The following PFDN1 variants were observed in gnomAD, a reference collection of about 807,000 sequenced individuals.
PFDN1 encodes prefoldin subunit 1, also known as prefoldin 1.
Under a neutral mutation model 17.3 loss-of-function variants are expected in PFDN1, and 6 were observed. That is an observed-to-expected ratio of 0.35 (90% CI 0.19 to 0.69). The LOEUF (loss-of-function observed/expected upper bound fraction) is 0.69, where lower values mean the gene tolerates loss of function less well. Among genes scored for constraint, PFDN1 ranks in the 30% least tolerant of loss-of-function variants. The pLI, the probability that PFDN1 is intolerant of heterozygous loss-of-function variation, is 0.65. For missense variants in PFDN1, 113 were observed against 146.2 expected (o/e 0.77, Z 1.17); for synonymous variants, 58 against 50.1 (o/e 1.16, Z -0.67).
At chr5:140,268,912 A>G (rs1029732114) in intron 3 of PFDN1, among the ~76,000 whole-genome samples, 1 of 152,228 alleles carries the variant, frequency 6.6e-6, no homozygotes, top group African/African-American at 2.4e-5. Flanking sequence ...AATGACTGCA[A>G]AGATATCAAA....
intron 3 of PFDN1, chr5:140,262,540 C>T (rs183663904): frequency 8.8e-6 from 4 of 456,124 alleles, no homozygotes; most frequent in Admixed American, 4.7e-5. Flanking sequence ...TGCTGGCACT[C>T]GACTGTTGAG....
At chr5:140,288,657 CAATTTTTCCG>C (rs1242897403) in intron 2 of PFDN1, among the ~76,000 whole-genome samples, 1 of 152,130 alleles carries the variant, frequency 6.6e-6, no homozygotes, top group Non-Finnish European at 1.5e-5. Context: ...TCTTTCTGCT[CAATTTTTCCG>C]TACTACTAAA....
chr5:140,284,538 T>C lies in PFDN1; in HGVS notation c.201-3005A>G, dbSNP rs1472242706. Among the ~76,000 whole-genome samples, 4 of 152,360 alleles carry C rather than the reference T, an allele frequency of 2.6e-5. No individual in the cohort carries two copies. The East Asian group carries it at 7.7e-4, about 29-fold the overall frequency. On this transcript the variant is annotated intron_variant, in intron 2 of 3. Transcript: ENST00000261813. ...GAAGAGAAAGGATTTATCATGATAA[T>C]ATAAGTCTTATCATAAGCAAATATT... is the stretch of plus-strand genomic sequence containing the variant.
At chr5:140,252,890 A>G (rs1446562711) in intron 3 of PFDN1, among the ~76,000 whole-genome samples, 1 of 152,200 alleles carries the variant, frequency 6.6e-6, no homozygotes, top group African/African-American at 2.4e-5. Context: ...GCCAGCCTGG[A>G]TGGGTGAGGA....
At chr5:140,271,868 T>C (rs970552938) in intron 3 of PFDN1, among the ~76,000 whole-genome samples, 1 of 151,520 alleles carries the variant, frequency 6.6e-6, no homozygotes, top group Non-Finnish European at 1.5e-5. Context: ...AAAATAGTGA[T>C]TTTGTTCATG....
At chr5:140,248,770 T>C (rs1248753958) in intron 3 of PFDN1, among the ~76,000 whole-genome samples, 2 of 152,218 alleles carry the variant, frequency 1.3e-5, no homozygotes, top group East Asian at 1.9e-4. Context: ...TTCTAACACT[T>C]TGATGAATTT....
intron 3 of PFDN1, among the ~76,000 whole-genome samples, chr5:140,250,220 T>G (rs1764893516): frequency 6.6e-6 from 1 of 152,178 alleles, no homozygotes; most frequent in East Asian, 1.9e-4. Flanking sequence ...ATGCATGGTC[T>G]TGGTTTCAGC....
chr5:140,272,453 C>T (rs897652790), intron 3 of PFDN1, among the ~76,000 whole-genome samples: 1 of 151,234 alleles, frequency 6.6e-6, no homozygotes, highest in Non-Finnish European at 1.5e-5. Context: ...CTCCACCTCC[C>T]GGGTTCAAGC....
chr5:140,301,777 T>C (rs1414424182), intron 1 of PFDN1, among the ~76,000 whole-genome samples: 1 of 152,236 alleles, frequency 6.6e-6, no homozygotes, highest in Non-Finnish European at 1.5e-5. Context: ...CACTAAACCC[T>C]GATTTAAATC....
intron 3 of PFDN1, among the ~76,000 whole-genome samples, chr5:140,261,785 T>C (rs950259992): frequency 6.6e-6 from 1 of 151,940 alleles, no homozygotes; most frequent in African/African-American, 2.4e-5. Context: ...AAAGTTAAAC[T>C]TCTAGGTAAG....
chr5:140,254,377 G>A lies in PFDN1; in HGVS notation c.286-8320C>T, dbSNP rs183092070. Among the ~76,000 whole-genome samples the A allele has an allele frequency of 5.1e-4, 78 of 152,244 alleles. No individual in the cohort carries two copies. The highest frequency in any genetic ancestry group is 1.2e-3 in the South Asian group (6 of 4,810). On this transcript the variant is annotated intron_variant, in intron 3 of 3. Transcript: ENST00000261813. The surrounding 1 kb of genome is among the most constrained non-coding windows in gnomAD (Gnocchi z 4.4). Reference sequence around the variant, plus strand: ...GTCCATCCTTCCATCCACTCATTCAGCTCACTGCCAAACCATTTCCCCTCC... The same window carrying A: ...GTCCATCCTTCCATCCACTCATTCAACTCACTGCCAAACCATTTCCCCTCC...
intron 1 of PFDN1, among the ~76,000 whole-genome samples, chr5:140,302,472 G>GGTTTT (rs1417481727): frequency 9.8e-5 from 15 of 152,316 alleles, no homozygotes; most frequent in African/African-American, 1.7e-4. Context: ...AAAAGAAGGA[G>GGTTTT]GTTTTGTTTT....
intron 3 of PFDN1, among the ~76,000 whole-genome samples, chr5:140,280,178 G>A (rs1765379144): frequency 6.6e-6 from 1 of 151,670 alleles, no homozygotes; most frequent in African/African-American, 2.4e-5. Flanking sequence ...TTTTCATAAA[G>A]AGAATTATAT....
chr5:140,263,333 T>C (rs1561498381), intron 3 of PFDN1, among the ~76,000 whole-genome samples: 1 of 152,308 alleles, frequency 6.6e-6, no homozygotes, highest in East Asian at 1.9e-4. Flanking sequence ...CATCTATCTG[T>C]ATGCCTAAAT....
At chr5:140,257,180 G>A (rs1172937661) in intron 3 of PFDN1, among the ~76,000 whole-genome samples, 2 of 148,188 alleles carry the variant, frequency 1.3e-5, no homozygotes, top group East Asian at 4.0e-4. Context: ...CCGAGATCAC[G>A]CCACTGCACT....
intron 2 of PFDN1, among the ~76,000 whole-genome samples, chr5:140,299,415 C>T: frequency 6.6e-6 from 1 of 151,964 alleles, no homozygotes; most frequent in East Asian, 2.0e-4. Context: ...TCCTGGCCAA[C>T]ACGGTAAAAC....
At chr5:140,262,599 GA>G in intron 3 of PFDN1, 1 of 452,438 alleles carries the variant, frequency 2.2e-6, no homozygotes, top group Non-Finnish European at 4.4e-6. Context: ...CATATGGAAT[GA>G]AAAAAACAAG....
At chr5:140,261,106 G>A (rs1765058404) in intron 3 of PFDN1, among the ~76,000 whole-genome samples, 1 of 138,340 alleles carries the variant, frequency 7.2e-6, no homozygotes, top group African/African-American at 2.8e-5. Flanking sequence ...AAGTTACAAT[G>A]AGCCGAGATC....
chr5:140,266,983 GTT>G (rs1185709862), intron 3 of PFDN1, among the ~76,000 whole-genome samples: 1 of 152,232 alleles, frequency 6.6e-6, no homozygotes. Flanking sequence ...GTGGGTTAAA[GTT>G]AAATGCAGGT....
Sources: gnomAD v4.1 joint callset for allele counts (sites outside exome capture counted in the v4.1 genomes callset) on GRCh38, gnomAD v4.1.1 for gene constraint, Gnocchi (gnomAD v3.1) non-coding constraint, MANE v1.5 for transcripts, NCBI Gene and HGNC (gene_info 2026-07-23, HGNC 2026-07-21) for gene names.